The following ABHD17B variants were observed in gnomAD, a reference collection of about 807,000 sequenced individuals.
ABHD17B encodes alpha/beta hydrolase domain-containing protein 17B.
ABHD17B carries 9 observed loss-of-function variants against 26.2 expected under a neutral mutation model. The ratio of observed to expected loss-of-function variants is 0.34; its 90% CI spans 0.21 to 0.60. The LOEUF is 0.60. Among genes scored for constraint, ABHD17B ranks in the 20% least tolerant of loss-of-function variants. The probability of loss-of-function intolerance (pLI) is 0.80; values close to 1 mark genes in which losing one functional copy is unlikely to be tolerated. For missense variants in ABHD17B, 224 were observed against 352.1 expected, an observed-to-expected ratio of 0.64 and a Z score of 2.91; for synonymous variants, 127 against 122.3, an observed-to-expected ratio of 1.04 and a Z score of -0.25.
downstream of ABHD17B, chr9:71,862,724 A>C: frequency 1.6e-6 from 1 of 612,468 alleles, no homozygotes; most frequent in Non-Finnish European, 2.9e-6. Context: ...TGTATGTCTA[A>C]ATGCAAGAAT....
chr9:71,878,819 C>A (rs1350555363), intron 1 of ABHD17B, among the ~76,000 whole-genome samples: 2 of 152,072 alleles, frequency 1.3e-5, no homozygotes, highest in Admixed American at 1.3e-4. Context: ...TTAACCAAAT[C>A]AAGTCTCTCT....
rs113128081 is a variant in ABHD17B, at chr9:71,908,209, G to A, written c.-4+2425C>T. On this transcript the variant is annotated intron_variant, in intron 1 of 3. Coordinates refer to ENST00000333421, the MANE Select transcript of ABHD17B (RefSeq NM_001025780.3). ...AGTTGAAGACCAGCATGGCCAACGT[G>A]GTGAAACCCCATCTCTACTAAAAAT... Among the ~76,000 whole-genome samples, 1,097 of 152,132 alleles carry A rather than the reference G, an allele frequency of 7.2e-3. 13 individuals are homozygous for A. Among genetic ancestry groups the A allele is most frequent in the African/African-American group, 0.025 (1,025 of 41,474 alleles).
intron 1 of ABHD17B, among the ~76,000 whole-genome samples, chr9:71,877,045 T>A (rs900068672): frequency 6.6e-6 from 1 of 152,208 alleles, no homozygotes; most frequent in African/African-American, 2.4e-5. Flanking sequence ...TCCTGAAGTG[T>A]TGTGCTGAGA....
intron 3 of ABHD17B, among the ~76,000 whole-genome samples, chr9:71,867,454 C>T (rs1053477209): frequency 1.3e-5 from 2 of 151,960 alleles, no homozygotes; most frequent in African/African-American, 2.4e-5. Context: ...GATAAAGATA[C>T]AAAAACAAGG....
At chr9:71,878,476 G>A (rs1457736955) in intron 1 of ABHD17B, among the ~76,000 whole-genome samples, 2 of 152,042 alleles carry the variant, frequency 1.3e-5, no homozygotes, top group African/African-American at 4.8e-5. Context: ...ACCTCAAAGT[G>A]TACCAAAAAA....
intron 3 of ABHD17B, among the ~76,000 whole-genome samples, chr9:71,868,538 ACAATGAAAAAACCAT>A (rs1826022849): frequency 6.6e-6 from 1 of 152,260 alleles, no homozygotes; most frequent in Non-Finnish European, 1.5e-5. Context: ...TGGAATGTTG[ACAATGAAAAAACCAT>A]CAATGAAATA....
Position 71,866,101 on chromosome 9 carries a change from G to A in ABHD17B, c.*686C>T, listed in dbSNP as rs924067362. The A allele has an allele frequency of 5.1e-6, 5 of 985,338 alleles. No individual in the cohort carries two copies. In the African/African-American group the frequency reaches 7.0e-5, roughly 14 times the overall value. The allele number at this position is 985,338 out of a possible 1,614,324, so 61.0% of individuals were successfully genotyped here. ...TACTTGCCTCACAGTACCAAACTTA[G>A]AAGTCAAAACTAGTTAAAATTCAGT... On this transcript the variant is annotated 3_prime_UTR_variant, in exon 4 of 4. Transcript: ENST00000333421.
At chr9:71,894,157 A>AGTTGTAT in intron 1 of ABHD17B, among the ~76,000 whole-genome samples, 1 of 148,362 alleles carries the variant, frequency 6.7e-6, no homozygotes, top group East Asian at 2.0e-4. Context: ...GGATTGTTGG[A>AGTTGTAT]GTTGTATGAC....
downstream of ABHD17B, chr9:71,862,712 CATGT>C (rs1199360307): frequency 5.1e-5 from 32 of 625,994 alleles, no homozygotes; most frequent in Non-Finnish European, 7.5e-5. Context: ...AAGATTTTGT[CATGT>C]ATGTCTAAAT....
intron 1 of ABHD17B, among the ~76,000 whole-genome samples, chr9:71,878,697 A>C (rs1364447727): frequency 6.6e-6 from 1 of 152,218 alleles, no homozygotes; most frequent in East Asian, 1.9e-4. Flanking sequence ...TAATCCCAGC[A>C]CTTTGGGAGG....
intron 1 of ABHD17B, among the ~76,000 whole-genome samples, chr9:71,909,236 G>GA (rs1564077044): frequency 6.6e-6 from 1 of 152,174 alleles, no homozygotes; most frequent in East Asian, 1.9e-4. Context: ...TAGAGTAGGA[G>GA]AAAAGAGAGG....
intron 1 of ABHD17B, among the ~76,000 whole-genome samples, chr9:71,882,655 T>C (rs1564066150): frequency 1.4e-5 from 2 of 147,744 alleles, no homozygotes. Context: ...GAGATTCCAT[T>C]TCAAAAAAAA....
intron 2 of ABHD17B, among the ~76,000 whole-genome samples, chr9:71,870,903 C>T (rs546778960): frequency 2.6e-4 from 39 of 152,276 alleles, no homozygotes; most frequent in African/African-American, 6.5e-4. Flanking sequence ...TTAGACTTTA[C>T]GCTAAAATTA....
At chr9:71,886,084 T>G (rs1367832762) in intron 1 of ABHD17B, among the ~76,000 whole-genome samples, 1 of 152,202 alleles carries the variant, frequency 6.6e-6, no homozygotes, top group Non-Finnish European at 1.5e-5. Context: ...TAGTCTAAAA[T>G]TCAAGATGAA....
At chr9:71,880,111 G>GT (rs904189179) in intron 1 of ABHD17B, among the ~76,000 whole-genome samples, 4 of 152,140 alleles carry the variant, frequency 2.6e-5, no homozygotes, top group African/African-American at 9.7e-5. Context: ...CACTTCTTGA[G>GT]TAATATAAAA....
chr9:71,886,060 C>G (rs536545975), intron 1 of ABHD17B, among the ~76,000 whole-genome samples: 2 of 152,132 alleles, frequency 1.3e-5, no homozygotes, highest in African/African-American at 4.8e-5. Context: ...TATTAGATTT[C>G]ATGTTAAGAA....
chr9:71,876,738 C>T (rs1405059528), intron 1 of ABHD17B, among the ~76,000 whole-genome samples: 10 of 152,160 alleles, frequency 6.6e-5, no homozygotes, highest in Non-Finnish European at 4.4e-5. Context: ...GCCCTTTTCA[C>T]TCAATACAGA....
intron 1 of ABHD17B, among the ~76,000 whole-genome samples, chr9:71,882,933 CA>C (rs1826492494): frequency 6.6e-6 from 1 of 152,036 alleles, no homozygotes; most frequent in Admixed American, 6.6e-5. Context: ...AACACGAGGT[CA>C]GGAGTTCAAG....
At chr9:71,885,065 C>G (rs1428321881) in intron 1 of ABHD17B, among the ~76,000 whole-genome samples, 1 of 152,030 alleles carries the variant, frequency 6.6e-6, no homozygotes, top group African/African-American at 2.4e-5. Flanking sequence ...GCAAGTTACT[C>G]AAATCACTCA....
Sources: allele counts gnomAD v4.1 joint callset (sites outside exome capture counted in the v4.1 genomes callset), GRCh38; gene constraint gnomAD v4.1.1; transcripts MANE v1.5; gene names NCBI Gene and HGNC (gene_info 2026-07-23, HGNC 2026-07-21).